Variants in SORCS1 observed in about 807,000 individuals in gnomAD.
SORCS1 encodes the protein sortilin related VPS10 domain containing receptor 1.
In SORCS1, 60 loss-of-function variants were observed where a neutral mutation model predicts 146.1. The ratio of observed to expected loss-of-function variants is 0.41; its 90% CI spans 0.33 to 0.51. The LOEUF (loss-of-function observed/expected upper bound fraction) is 0.51. SORCS1 is among the 20% of genes least tolerant of loss of function. SORCS1 has a pLI of 0.21. For synonymous variants in SORCS1, 637 were observed against 584.0 expected (o/e 1.09, Z -1.31); for missense variants, 1,352 against 1,487.6 (o/e 0.91, Z 1.50).
chr10:106,756,006 G>A (rs193176544), intron 5 of SORCS1, among the ~76,000 whole-genome samples: 2 of 152,104 alleles, frequency 1.3e-5, no homozygotes, highest in East Asian at 1.9e-4. Flanking sequence ...GCCTGTGCCT[G>A]TAGTCTCAAC....
At chr10:106,805,830 A>T (rs1589924938) in intron 3 of SORCS1, among the ~76,000 whole-genome samples, 1 of 148,770 alleles carries the variant, frequency 6.7e-6, no homozygotes, top group South Asian at 2.1e-4. Flanking sequence ...AGGCCGAGAC[A>T]GGTGGATCAC....
At chr10:106,891,260 T>C (rs1276617395) in intron 2 of SORCS1, among the ~76,000 whole-genome samples, 2 of 152,148 alleles carry the variant, frequency 1.3e-5, no homozygotes, top group Non-Finnish European at 2.9e-5. Context: ...GGAAGCTGTT[T>C]TTATAGTGCA....
intron 1 of SORCS1, among the ~76,000 whole-genome samples, chr10:107,006,928 T>C (rs564969844): frequency 6.8e-6 from 1 of 146,922 alleles, no homozygotes; most frequent in East Asian, 1.9e-4. Flanking sequence ...TATAAACAAA[T>C]TTACATACTC....
intron 2 of SORCS1, among the ~76,000 whole-genome samples, chr10:106,872,707 T>C (rs17121704): frequency 0.026 from 3,951 of 152,186 alleles, 93 homozygotes; most frequent in Admixed American, 0.071. Context: ...TCATAATAAT[T>C]TGCTTCCAGG....
intron 21 of SORCS1, among the ~76,000 whole-genome samples, chr10:106,614,073 T>C (rs1203329618): frequency 6.6e-6 from 1 of 152,194 alleles, no homozygotes; most frequent in Non-Finnish European, 1.5e-5. Flanking sequence ...TGATATGTCC[T>C]TCAAACTGGA....
At chr10:107,021,371 G>A (rs866144378) in intron 1 of SORCS1, among the ~76,000 whole-genome samples, 4 of 151,380 alleles carry the variant, frequency 2.6e-5, no homozygotes, top group South Asian at 2.1e-4. Flanking sequence ...AAAATTAGCC[G>A]GGCATGGTGG....
chr10:107,057,116 A>G (rs952078997), intron 1 of SORCS1, among the ~76,000 whole-genome samples: 1 of 152,200 alleles, frequency 6.6e-6, no homozygotes, highest in Admixed American at 6.5e-5. Context: ...ACAAAGAAGT[A>G]AAAAACACAC....
intron 1 of SORCS1, among the ~76,000 whole-genome samples, chr10:107,055,867 T>C (rs1960572307): frequency 6.6e-6 from 1 of 152,158 alleles, no homozygotes; most frequent in South Asian, 2.1e-4. Flanking sequence ...ACATATTCTG[T>C]TCAAGGGAGT....
In SORCS1 at chr10:106,597,806, G is replaced by A. The variant is rs138071278; in HGVS notation, c.3166-356C>T. On this transcript the variant is annotated intron_variant, in intron 23 of 25. Transcript: ENST00000263054. ...GAAGTATATACAATTTACACATTCC[G>A]ATAAGATTAATATATATTCATTTTA... 6.5e-3 allele frequency among the ~76,000 whole-genome samples: 987 copies of A among 152,210 alleles called. 11 individuals are homozygous for A. Among genetic ancestry groups the A allele is most frequent in the African/African-American group, 0.022 (932 of 41,532 alleles).
At chr10:107,133,184 T>C (rs1966995065) in intron 1 of SORCS1, among the ~76,000 whole-genome samples, 1 of 152,220 alleles carries the variant, frequency 6.6e-6, no homozygotes. Flanking sequence ...TGAAGGCTCC[T>C]GCAGAGAAAC....
chr10:106,658,970 T>C (rs963236639), intron 17 of SORCS1, among the ~76,000 whole-genome samples: 1 of 152,166 alleles, frequency 6.6e-6, no homozygotes, highest in Non-Finnish European at 1.5e-5. Context: ...ATATTAACCA[T>C]TGTGACTCTT....
chr10:106,956,171 G>A (rs1487916717), intron 2 of SORCS1, among the ~76,000 whole-genome samples: 2 of 151,652 alleles, frequency 1.3e-5, no homozygotes, highest in Admixed American at 6.6e-5. Flanking sequence ...GCCTCGTTCT[G>A]CAGACCTAGA....
At chr10:106,722,998 C>T (rs1003323351) in intron 6 of SORCS1, among the ~76,000 whole-genome samples, 21 of 152,038 alleles carry the variant, frequency 1.4e-4, no homozygotes, top group African/African-American at 4.6e-4. Context: ...GTAGATATAC[C>T]TAAACAGTGA....
chr10:106,789,047 A>G (rs1253605275), intron 3 of SORCS1, among the ~76,000 whole-genome samples: 1 of 152,134 alleles, frequency 6.6e-6, no homozygotes, highest in East Asian at 1.9e-4. Flanking sequence ...GCCCAATACC[A>G]TGTGGAAGTC....
intron 2 of SORCS1, among the ~76,000 whole-genome samples, chr10:106,880,217 A>G (rs1950756529): frequency 6.6e-6 from 1 of 152,214 alleles, no homozygotes; most frequent in Admixed American, 6.5e-5. Flanking sequence ...TGACTTGTTG[A>G]ATAAGCATGC....
intron 1 of SORCS1, among the ~76,000 whole-genome samples, chr10:107,159,679 G>GATTCAA (rs1969559569): frequency 1.3e-5 from 2 of 152,254 alleles, no homozygotes; most frequent in South Asian, 4.1e-4. Context: ...GGACAACTAA[G>GATTCAA]ATTCAAACTC....
chr10:106,602,583 G>A (rs1846317880), intron 23 of SORCS1, among the ~76,000 whole-genome samples: 1 of 147,660 alleles, frequency 6.8e-6, no homozygotes, highest in African/African-American at 2.5e-5. Flanking sequence ...TGATTAAAGT[G>A]CCTAAGGGGT....
At chr10:106,878,450 G>A (rs990154912) in intron 2 of SORCS1, among the ~76,000 whole-genome samples, 2 of 151,228 alleles carry the variant, frequency 1.3e-5, no homozygotes, top group Admixed American at 6.6e-5. Flanking sequence ...CCTCATTACT[G>A]GGATTAACAC....
At chr10:106,812,421 C>T (rs545701392) in intron 3 of SORCS1, among the ~76,000 whole-genome samples, 1 of 152,134 alleles carries the variant, frequency 6.6e-6, no homozygotes, top group East Asian at 1.9e-4. Flanking sequence ...GAAGCTGGAG[C>T]CATTGCTGTT....
Sources: gnomAD v4.1 joint callset for allele counts (sites outside exome capture counted in the v4.1 genomes callset) on GRCh38, gnomAD v4.1.1 for gene constraint, MANE v1.5 for transcripts, NCBI Gene and HGNC (gene_info 2026-07-23, HGNC 2026-07-21) for gene names.